The following SPATA13 variants were observed in gnomAD, a reference collection of about 807,000 sequenced individuals.
SPATA13 encodes spermatogenesis associated 13.
A neutral mutation model predicts 104.0 loss-of-function variants in SPATA13; 50 were observed. The ratio of observed to expected loss-of-function variants is 0.48; its 90% CI spans 0.38 to 0.61. SPATA13 has a LOEUF of 0.61. SPATA13 is among the 20% of genes least tolerant of loss of function. The pLI is 0.00. For missense variants in SPATA13, 1,524 were observed against 1,690.6 expected, an observed-to-expected ratio of 0.90 and a Z score of 1.73; for synonymous variants, 606 against 667.5, an observed-to-expected ratio of 0.91 and a Z score of 1.42.
In SPATA13 at chr13:24,224,088, T is replaced by C; in HGVS notation, c.1159T>C (p.Cys387Arg). The C allele has an allele frequency of 6.4e-7, 1 of 1,551,214 alleles. No homozygotes were observed. The highest frequency in any genetic ancestry group is 2.4e-5 in the East Asian group (1 of 40,894). ...GAVMHGTTAT[C>R]TVAPGFGSAT... ...GGTCATGCATGGGACCACTGCAACC[T>C]GCACCGTGGCCCCCGGTTTCGGCTC... Residue 387 changes from cysteine (C) to arginine (R), a missense_variant, in exon 2 of 13, where the codon TGC becomes CGC. Cys to Arg is a radical substitution (Grantham distance 180). Around this residue, in one of 2 missense-constraint regions of SPATA13, gnomAD observed 1,089 missense variants for 1,135.9 expected, o/e 0.96. Coordinates refer to ENST00000382108, the MANE Select transcript of SPATA13 (RefSeq NM_001166271.3).
intron 1 of SPATA13, among the ~76,000 whole-genome samples, chr13:24,211,107 A>G (rs1870988819): frequency 6.6e-6 from 1 of 152,172 alleles, no homozygotes; most frequent in Non-Finnish European, 1.5e-5. Flanking sequence ...CCATGTTGAT[A>G]TTTATCCTGC....
rs140934526 is a variant in SPATA13, at chr13:24,171,353, C to A, written c.-112+10421C>A. ...AACATGCGGGTCAGATCTGACAACACCTGCTGCTTCCATGGGGAGGGTGGA... is the reference window on the plus strand; with the variant it reads ...AACATGCGGGTCAGATCTGACAACAACTGCTGCTTCCATGGGGAGGGTGGA... On this transcript the variant is annotated intron_variant, in intron 1 of 12. Coordinates refer to ENST00000382108, the MANE Select transcript of SPATA13 (RefSeq NM_001166271.3). Among the ~76,000 whole-genome samples the A allele has an allele frequency of 3.9e-3, 596 of 152,288 alleles. 7 individuals carry two copies. The highest frequency in any genetic ancestry group is 9.7e-3 in the East Asian group (50 of 5,160).
At chr13:24,240,209 G>A (rs1008775661) in intron 2 of SPATA13, among the ~76,000 whole-genome samples, 2 of 151,844 alleles carry the variant, frequency 1.3e-5, no homozygotes, top group Admixed American at 6.6e-5. Flanking sequence ...GCAATGAGCC[G>A]TGATTGCACC....
At chr13:24,211,146 A>G (rs1444640632) in intron 1 of SPATA13, among the ~76,000 whole-genome samples, 2 of 152,192 alleles carry the variant, frequency 1.3e-5, no homozygotes, top group African/African-American at 4.8e-5. Flanking sequence ...TATTAGTTCT[A>G]ACAGTTTTAT....
At chr13:24,027,361 C>T (rs1033748359) in intron 3 of SPATA13, among the ~76,000 whole-genome samples, 2 of 151,454 alleles carry the variant, frequency 1.3e-5, no homozygotes, top group African/African-American at 2.4e-5. Flanking sequence ...TCTTGAACTC[C>T]TGACCTCATG....
intron 1 of SPATA13, among the ~76,000 whole-genome samples, chr13:24,207,411 G>T (rs1870764526): frequency 6.6e-6 from 1 of 152,150 alleles, no homozygotes; most frequent in Non-Finnish European, 1.5e-5. Flanking sequence ...ATCTGTTCCA[G>T]TCCCCAGTTT....
Position 24,303,204 on chromosome 13 carries a change from GTCAAGACGGGGTTGACACAATGC to G in SPATA13, c.*433_*455del, listed in dbSNP as rs1161078207. 1 of 407,462 alleles carries G rather than the reference GTCAAGACGGGGTTGACACAATGC, an allele frequency of 2.5e-6. No individual in the cohort carries two copies. Among genetic ancestry groups the G allele is most frequent in the African/African-American group, 2.1e-5 (1 of 48,510 alleles). 25.2% of individuals were successfully genotyped at this position (407,462 alleles called of 1,614,324 possible). ...TCTGCATTTGATTTTCAAGGATGCCGTCAAGACGGGGTTGACACAATGCTGCACGTGTCTGGTCACACTTAGAA... is the reference window on the plus strand; with the variant it reads ...TCTGCATTTGATTTTCAAGGATGCCGTGCACGTGTCTGGTCACACTTAGAA... On this transcript the variant is annotated 3_prime_UTR_variant, in exon 13 of 13. Coordinates refer to ENST00000382108, the MANE Select transcript of SPATA13 (RefSeq NM_001166271.3).
At chr13:24,173,972 C>T (rs1480463693) in intron 1 of SPATA13, among the ~76,000 whole-genome samples, 2 of 152,112 alleles carry the variant, frequency 1.3e-5, no homozygotes, top group African/African-American at 4.8e-5. Flanking sequence ...GGAAATATCA[C>T]CTTCATAAAA....
At chr13:24,208,049 C>T (rs938060931) in intron 1 of SPATA13, among the ~76,000 whole-genome samples, 2 of 152,180 alleles carry the variant, frequency 1.3e-5, no homozygotes, top group African/African-American at 2.4e-5. Flanking sequence ...TGATGGGAGC[C>T]GCTGAAAGAG....
At position 24,202,246 on chromosome 13, in the gene SPATA13, A is replaced by C. The variant is rs540074661; in HGVS notation, c.-111-20573A>C. ...AGTTTACTTTTTATCCTAGGATTTA[A>C]GTGCAAAAGGACGTTAAGAATCCTG... On this transcript the variant is annotated intron_variant, in intron 1 of 12. Transcript: ENST00000382108. Among the ~76,000 whole-genome samples the C allele has an allele frequency of 7.2e-5, 11 of 152,304 alleles. No individual in the cohort carries two copies. In the South Asian group the frequency reaches 2.3e-3, roughly 32 times the overall value.
At chr13:24,094,016 T>C (rs565590344) in intron 3 of SPATA13, among the ~76,000 whole-genome samples, 1 of 152,314 alleles carries the variant, frequency 6.6e-6, no homozygotes, top group South Asian at 2.1e-4. Context: ...ATGTAAACAG[T>C]AGATGTCAGC....
intron 2 of SPATA13, among the ~76,000 whole-genome samples, chr13:24,226,859 G>A (rs1487146301): frequency 6.6e-6 from 1 of 152,200 alleles, no homozygotes; most frequent in African/African-American, 2.4e-5. Context: ...TAGGACTATC[G>A]CAGAGTACTT....
intron 3 of SPATA13, among the ~76,000 whole-genome samples, chr13:24,068,810 G>C (rs1879059316): frequency 6.6e-6 from 1 of 152,152 alleles, no homozygotes; most frequent in South Asian, 2.1e-4. Context: ...CCGCATGTAT[G>C]TCTTCTTTTG....
At chr13:24,290,316 T>A (rs772009469) in intron 8 of SPATA13, among the ~76,000 whole-genome samples, 3 of 152,032 alleles carry the variant, frequency 2.0e-5, no homozygotes, top group Non-Finnish European at 4.4e-5. Context: ...GTTGAAAAAA[T>A]TTGTGGGAGG....
At chr13:24,010,209 G>A (rs1310287439) in intron 2 of SPATA13, among the ~76,000 whole-genome samples, 1 of 152,094 alleles carries the variant, frequency 6.6e-6, no homozygotes, top group African/African-American at 2.4e-5. Flanking sequence ...TATGTGAGAG[G>A]GGATAGTAGT....
intron 2 of SPATA13, among the ~76,000 whole-genome samples, chr13:24,225,684 G>A (rs1350694746): frequency 6.6e-6 from 1 of 152,186 alleles, no homozygotes; most frequent in Non-Finnish European, 1.5e-5. Flanking sequence ...GGTGCTGGTG[G>A]AAATTGGGAG....
intron 4 of SPATA13, among the ~76,000 whole-genome samples, chr13:24,277,699 A>G (rs1339037941): frequency 2.0e-5 from 3 of 152,134 alleles, no homozygotes; most frequent in East Asian, 1.9e-4. Flanking sequence ...TGGAAATCAC[A>G]TACTGAGTGC....
intron 3 of SPATA13, among the ~76,000 whole-genome samples, chr13:24,032,804 G>C (rs936336951): frequency 6.6e-6 from 1 of 152,192 alleles, no homozygotes; most frequent in Non-Finnish European, 1.5e-5. Context: ...CTAGTGGCTT[G>C]CCAGAGTCCA....
chr13:24,141,110 A>G (rs1881747148), intron 3 of SPATA13, among the ~76,000 whole-genome samples: 1 of 151,462 alleles, frequency 6.6e-6, no homozygotes, highest in Non-Finnish European at 1.5e-5. Flanking sequence ...GGGAGGCAGA[A>G]GTTGCACTGA....
Sources: gnomAD v4.1 joint callset for allele counts (sites outside exome capture counted in the v4.1 genomes callset) on GRCh38, gnomAD v4.1.1 for gene constraint, gnomAD v4.1.1 regional missense constraint, MANE v1.5 for transcripts, NCBI Gene and HGNC (gene_info 2026-07-23, HGNC 2026-07-21) for gene names.